Variants in GPC5 observed in about 807,000 individuals in gnomAD.
GPC5 encodes the protein glypican-5.
In GPC5, 47 loss-of-function variants were observed where a neutral mutation model predicts 53.9. That is an observed-to-expected ratio of 0.87 (90% confidence interval 0.69 to 1.11). GPC5 has a LOEUF of 1.11. GPC5 is among the 50% of genes most tolerant of loss of function. The pLI, the probability that GPC5 is intolerant of heterozygous loss-of-function variation, is 0.00. For missense variants in GPC5, 748 were observed against 713.1 expected (o/e 1.05, Z -0.56); for synonymous variants, 286 against 263.3 (o/e 1.09, Z -0.84).
intron 7 of GPC5, among the ~76,000 whole-genome samples, chr13:92,318,260 G>T (rs1168219052): frequency 1.3e-5 from 2 of 152,082 alleles, no homozygotes; most frequent in African/African-American, 4.8e-5. Flanking sequence ...GTATTAACTG[G>T]CTTGCTTAGA....
chr13:91,879,801 T>C (rs1237244153), intron 5 of GPC5, among the ~76,000 whole-genome samples: 1 of 152,214 alleles, frequency 6.6e-6, no homozygotes, highest in Non-Finnish European at 1.5e-5. Flanking sequence ...ATTATATTAA[T>C]ATATATTTCC....
intron 7 of GPC5, among the ~76,000 whole-genome samples, chr13:92,163,127 T>G (rs2042002296): frequency 6.6e-6 from 1 of 152,038 alleles, no homozygotes; most frequent in Non-Finnish European, 1.5e-5. Flanking sequence ...GGGAATATAA[T>G]AAGATAAAAT....
intron 6 of GPC5, among the ~76,000 whole-genome samples, chr13:92,122,090 G>A (rs540437088): frequency 2.0e-5 from 3 of 152,140 alleles, no homozygotes; most frequent in South Asian, 4.2e-4. Flanking sequence ...ATGGTATACC[G>A]AAATATAGCA....
intron 6 of GPC5, among the ~76,000 whole-genome samples, chr13:91,975,769 G>A (rs1416806223): frequency 1.3e-5 from 2 of 152,140 alleles, no homozygotes; most frequent in Non-Finnish European, 2.9e-5. Flanking sequence ...TCCCATTACT[G>A]GGTATATACC....
At chr13:92,453,000 T>C (rs1334896942) in intron 7 of GPC5, among the ~76,000 whole-genome samples, 1 of 152,216 alleles carries the variant, frequency 6.6e-6, no homozygotes, top group Non-Finnish European at 1.5e-5. Flanking sequence ...CTACTTCCTA[T>C]AACCCTATGC....
chr13:92,554,671 G>A (rs1382167910), intron 7 of GPC5, among the ~76,000 whole-genome samples: 1 of 149,670 alleles, frequency 6.7e-6, no homozygotes, highest in Non-Finnish European at 1.5e-5. Context: ...ATTACTATGA[G>A]GAAAGAGAAA....
At chr13:92,138,950 C>T (rs1311452416) in intron 6 of GPC5, among the ~76,000 whole-genome samples, 2 of 152,062 alleles carry the variant, frequency 1.3e-5, no homozygotes, top group Admixed American at 1.3e-4. Context: ...TGCAAAAATC[C>T]ATTTTTGAAA....
chr13:91,870,752 G>A (rs1276163829), intron 5 of GPC5, among the ~76,000 whole-genome samples: 1 of 152,184 alleles, frequency 6.6e-6, no homozygotes, highest in Non-Finnish European at 1.5e-5. Context: ...ATAGCTCTCA[G>A]TATATTTGAG....
At chr13:91,432,630 A>G (rs1029755914) in intron 1 of GPC5, among the ~76,000 whole-genome samples, 2 of 152,186 alleles carry the variant, frequency 1.3e-5, no homozygotes, top group East Asian at 1.9e-4. Flanking sequence ...CAGAACAATA[A>G]AAACTCATAA....
At chr13:92,295,851 T>G (rs2139190187) in intron 7 of GPC5, among the ~76,000 whole-genome samples, 1 of 152,290 alleles carries the variant, frequency 6.6e-6, no homozygotes, top group East Asian at 1.9e-4. Flanking sequence ...GTGTGAGTCC[T>G]TATGCGTTAG....
intron 5 of GPC5, among the ~76,000 whole-genome samples, chr13:91,851,819 A>G (rs1013894902): frequency 7.1e-6 from 1 of 141,340 alleles, no homozygotes; most frequent in Admixed American, 7.1e-5. Flanking sequence ...GTCCCTACAA[A>G]GGACATGAAG....
chr13:92,563,179 A>G (rs1882750240), intron 7 of GPC5, among the ~76,000 whole-genome samples: 1 of 152,036 alleles, frequency 6.6e-6, no homozygotes, highest in East Asian at 1.9e-4. Context: ...TTCATCTGTA[A>G]AGTCTATAAG....
chr13:92,246,577 T>A (rs1929185), intron 7 of GPC5, among the ~76,000 whole-genome samples: 12 of 151,904 alleles, frequency 7.9e-5, no homozygotes, highest in Middle Eastern at 3.4e-3. Flanking sequence ...GTGGAAAAAC[T>A]CATCATCATT....
chr13:91,537,535 AGTC>A (rs1886648403), intron 2 of GPC5, among the ~76,000 whole-genome samples: 1 of 152,228 alleles, frequency 6.6e-6, no homozygotes, highest in Non-Finnish European at 1.5e-5. Context: ...AAGCAAAAAA[AGTC>A]CCATAAAGAA....
chr13:92,583,583 T>C (rs1393630133), intron 7 of GPC5, among the ~76,000 whole-genome samples: 1 of 151,828 alleles, frequency 6.6e-6, no homozygotes, highest in African/African-American at 2.4e-5. Flanking sequence ...AGAAGAGGAG[T>C]TTCTGGAACC....
At chr13:91,840,600 C>A (rs1049946184) in intron 5 of GPC5, among the ~76,000 whole-genome samples, 13 of 151,872 alleles carry the variant, frequency 8.6e-5, no homozygotes, top group Non-Finnish European at 1.8e-4. Flanking sequence ...GTTCCCCTCC[C>A]CTGCAAGTTA....
intron 7 of GPC5, among the ~76,000 whole-genome samples, chr13:92,861,600 C>T (rs1043727202): frequency 7.9e-5 from 12 of 152,144 alleles, no homozygotes; most frequent in Admixed American, 2.6e-4. Flanking sequence ...ACTATTTTTA[C>T]GTTCAAGACA....
chr13:91,587,377 A>C (rs1188122375), intron 2 of GPC5, among the ~76,000 whole-genome samples: 1 of 152,156 alleles, frequency 6.6e-6, no homozygotes, highest in African/African-American at 2.4e-5. Context: ...TGACCTTTTC[A>C]AGTCTATATT....
chr13:92,454,419 C>G (rs78438664), intron 7 of GPC5, among the ~76,000 whole-genome samples: 7 of 152,322 alleles, frequency 4.6e-5, no homozygotes, highest in Admixed American at 4.6e-4. Flanking sequence ...GGAACCTCCA[C>G]TGTGAATTGT....
Sources: allele counts gnomAD v4.1 joint callset (sites outside exome capture counted in the v4.1 genomes callset), GRCh38; gene constraint gnomAD v4.1.1; transcripts MANE v1.5; gene names NCBI Gene and HGNC (gene_info 2026-07-23, HGNC 2026-07-21).